The following NALCN variants were observed in gnomAD, a reference collection of about 807,000 sequenced individuals.
The protein encoded by NALCN is sodium leak channel NALCN.
A neutral mutation model predicts 225.3 loss-of-function variants in NALCN; 111 were observed. The observed-to-expected ratio is 0.49, with a 90% CI of 0.42 to 0.58. The LOEUF is 0.58. Ranked by LOEUF, NALCN falls within the 20% of genes least tolerant of loss-of-function variation. The pLI is 0.00. For synonymous variants in NALCN, 764 were observed against 769.0 expected (o/e 0.99, Z 0.11); for missense variants, 1,378 against 2,202.4 (o/e 0.63, Z 7.49).
At chr13:101,307,707 TC>T (rs1454167506) in intron 7 of NALCN, among the ~76,000 whole-genome samples, 1 of 152,148 alleles carries the variant, frequency 6.6e-6, no homozygotes, top group Non-Finnish European at 1.5e-5. Flanking sequence ...GAAATTTCCT[TC>T]CTGCATTTTG....
intron 28 of NALCN, 146 bp from the exon 29 acceptor site, chr13:101,090,112 GCA>G (rs963198007): frequency 4.3e-5 from 50 of 1,161,490 alleles, no homozygotes; most frequent in South Asian, 3.9e-4. Flanking sequence ...ACGTGTGCGT[GCA>G]CACACACATA....
intron 26 of NALCN, among the ~76,000 whole-genome samples, chr13:101,101,940 T>A (rs182413856): frequency 4.6e-4 from 70 of 152,304 alleles, no homozygotes; most frequent in Non-Finnish European, 1.2e-4. Flanking sequence ...TCAGGTGATA[T>A]TTTCTTTTAA....
chr13:101,177,139 C>T (rs1173722472), intron 14 of NALCN, among the ~76,000 whole-genome samples: 1 of 152,122 alleles, frequency 6.6e-6, no homozygotes, highest in African/African-American at 2.4e-5. Context: ...TGGAGTGACC[C>T]ATCTTGGAAA....
Position 101,346,278 on chromosome 13 carries a change from C to A in NALCN, c.645-858G>T, listed in dbSNP as rs1461086014. On this transcript the variant is annotated intron_variant, in intron 6 of 43. Coordinates refer to ENST00000251127, the MANE Select transcript of NALCN (RefSeq NM_052867.4). ...AATACTATCACCATTACGGTTTTTG[C>A]CATTACAGACTGAGACCCAGATAAG... is the stretch of plus-strand genomic sequence containing the variant. Among the ~76,000 whole-genome samples the A allele has an allele frequency of 2.0e-5, 3 of 151,792 alleles. No homozygotes were observed. The East Asian group carries it at 5.8e-4, about 29-fold the overall frequency.
chr13:101,346,337 A>G (rs1397141838), intron 6 of NALCN, among the ~76,000 whole-genome samples: 2 of 152,062 alleles, frequency 1.3e-5, no homozygotes, highest in African/African-American at 4.8e-5. Flanking sequence ...ATTTGCAAAG[A>G]ACGTTAACTT....
intron 11 of NALCN, 59 bp from the exon 12 acceptor site, chr13:101,237,981 T>C: frequency 6.7e-7 from 1 of 1,485,586 alleles, no homozygotes; most frequent in Non-Finnish European, 9.2e-7. Context: ...TTCTAAATTA[T>C]TTCACATATT....
At chr13:101,261,238 C>T (rs563919101) in intron 10 of NALCN, among the ~76,000 whole-genome samples, 2 of 152,144 alleles carry the variant, frequency 1.3e-5, no homozygotes, top group Non-Finnish European at 1.5e-5. Flanking sequence ...GTTTTTATGG[C>T]AGTACCACGG....
chr13:101,400,512 T>C (rs1418052047), intron 1 of NALCN, among the ~76,000 whole-genome samples: 1 of 151,486 alleles, frequency 6.6e-6, no homozygotes. Flanking sequence ...GGGTGCCACT[T>C]AGTCCTCACT....
intron 3 of NALCN, among the ~76,000 whole-genome samples, chr13:101,391,745 G>C (rs985915107): frequency 6.6e-6 from 1 of 151,460 alleles, no homozygotes. Flanking sequence ...AGCACTTTGG[G>C]AAGCCAAGAC....
intron 11 of NALCN, 110 bp from the exon 12 acceptor site, chr13:101,238,032 G>T (rs1165259993): frequency 1.2e-6 from 1 of 858,958 alleles, no homozygotes; most frequent in Non-Finnish European, 1.8e-6. Flanking sequence ...ATACACTAAG[G>T]TGCCCCATAA....
At chr13:101,060,806 A>G (rs1219947799) in intron 41 of NALCN, among the ~76,000 whole-genome samples, 3 of 152,274 alleles carry the variant, frequency 2.0e-5, no homozygotes, top group East Asian at 3.9e-4. Flanking sequence ...GGCATATACT[A>G]AAGCCAGGAC....
chr13:101,283,062 G>C (rs898096089), intron 10 of NALCN, among the ~76,000 whole-genome samples: 5 of 152,170 alleles, frequency 3.3e-5, no homozygotes, highest in African/African-American at 1.2e-4. Flanking sequence ...GCGAGAAGAG[G>C]ATTTGTCACT....
chr13:101,278,553 G>A (rs1162624047), intron 10 of NALCN, among the ~76,000 whole-genome samples: 1 of 148,278 alleles, frequency 6.7e-6, no homozygotes, highest in Non-Finnish European at 1.5e-5. Context: ...AAAAGAATGA[G>A]TTTGGGTTCT....
chr13:101,143,324 T>A, intron 16 of NALCN, 103 bp from the exon 17 acceptor site: 3 of 1,205,780 alleles, frequency 2.5e-6, no homozygotes, highest in South Asian at 1.9e-5. Context: ...AAAGCAGTGA[T>A]AAAAGATCAT....
At chr13:101,084,532 C>T (rs138151971) in intron 30 of NALCN, among the ~76,000 whole-genome samples, 69 of 152,250 alleles carry the variant, frequency 4.5e-4, no homozygotes, top group African/African-American at 1.4e-3. Context: ...TTTGTGCTTA[C>T]GCATGAATCA....
At position 101,231,815 on chromosome 13, in the gene NALCN, C is replaced by T. The variant is rs189598652; in HGVS notation, c.1435-2231G>A. On this transcript the variant is annotated intron_variant, in intron 12 of 43. Coordinates refer to ENST00000251127, the MANE Select transcript of NALCN (RefSeq NM_052867.4). ...TTTGTTTCTTTTTGGCTTTCCAGTG[C>T]CTCTGGCTTCTTCAACTCTGCCTGG... Among the ~76,000 whole-genome samples, 1,284 of 152,064 alleles carry T rather than the reference C, an allele frequency of 8.4e-3. 9 individuals carry two copies. The highest frequency in any genetic ancestry group is 0.028 in the South Asian group (136 of 4,798).
chr13:101,068,366 T>C (rs2032592313), intron 38 of NALCN, among the ~76,000 whole-genome samples: 1 of 152,160 alleles, frequency 6.6e-6, no homozygotes, highest in South Asian at 2.1e-4. Flanking sequence ...CACATCTGGG[T>C]AAATAAGGTG....
chr13:101,127,134 T>C (rs530506333), intron 17 of NALCN, among the ~76,000 whole-genome samples: 2 of 152,164 alleles, frequency 1.3e-5, no homozygotes, highest in Non-Finnish European at 2.9e-5. Flanking sequence ...AGGAAAAACT[T>C]TTGGGATAAT....
chr13:101,106,301 T>G (rs1476030905), intron 22 of NALCN, among the ~76,000 whole-genome samples: 3 of 152,170 alleles, frequency 2.0e-5, no homozygotes, highest in Non-Finnish European at 4.4e-5. Context: ...ATTCTGAGGT[T>G]CTGAGGGTTT....
Sources: allele counts gnomAD v4.1 joint callset (sites outside exome capture counted in the v4.1 genomes callset), GRCh38; gene constraint gnomAD v4.1.1; transcripts MANE v1.5; gene names NCBI Gene and HGNC (gene_info 2026-07-23, HGNC 2026-07-21).